The following CSMD1 variants were observed in gnomAD, a reference collection of about 807,000 sequenced individuals.
The protein encoded by CSMD1 is CUB and sushi domain-containing protein 1.
In CSMD1, 213 loss-of-function variants were observed where a neutral mutation model predicts 417.5. The observed-to-expected ratio is 0.51, with a 90% CI of 0.46 to 0.57. CSMD1 has a LOEUF of 0.57. CSMD1 is among the 20% of genes least tolerant of loss of function. CSMD1 has a pLI of 0.00. For synonymous variants in CSMD1, 2,862 were observed against 1,736.8 expected (o/e 1.65, Z -16.11); for missense variants, 6,923 against 4,529.7 (o/e 1.53, Z -15.17).
chr8:4,298,112 T>C (rs547517882), intron 3 of CSMD1, among the ~76,000 whole-genome samples: 62 of 152,086 alleles, frequency 4.1e-4, no homozygotes, highest in African/African-American at 1.4e-3. Flanking sequence ...CTGGAGAACA[T>C]CCCAGGGCAC....
chr8:4,724,636 A>T (rs1227118084), intron 1 of CSMD1, among the ~76,000 whole-genome samples: 1 of 151,862 alleles, frequency 6.6e-6, no homozygotes, highest in Admixed American at 6.6e-5. Context: ...GGAAAAAATA[A>T]ATGTAAGTTT....
chr8:4,750,176 T>G (rs1265593030), intron 1 of CSMD1, among the ~76,000 whole-genome samples: 1 of 151,902 alleles, frequency 6.6e-6, no homozygotes, highest in Non-Finnish European at 1.5e-5. Context: ...CGGCTAATTT[T>G]TTTTGTATTT....
intron 37 of CSMD1, among the ~76,000 whole-genome samples, chr8:3,177,274 C>G (rs1259714687): frequency 6.6e-6 from 1 of 152,154 alleles, no homozygotes; most frequent in African/African-American, 2.4e-5. Context: ...ACCCACAGGC[C>G]TCTATCAGGG....
chr8:4,920,930 G>C (rs13278298), intron 1 of CSMD1, among the ~76,000 whole-genome samples: 1 of 32,230 alleles, frequency 3.1e-5, no homozygotes, highest in Admixed American at 3.8e-4. Context: ...AGAAAAGAAA[G>C]AGAGAAAGAA....
intron 1 of CSMD1, 86 bp from the exon 2 acceptor site, chr8:4,637,644 A>ATTTTTTTTTTTTTTTTTTTTTTTTTTTTT (rs76431173): frequency 3.1e-6 from 1 of 321,502 alleles, no homozygotes; most frequent in Non-Finnish European, 5.1e-6. Context: ...ACTTTAGCCA[A>ATTTTTTTTTTTTTTTTTTTTTTTTTTTTT]TTTTTTTTTT....
intron 1 of CSMD1, among the ~76,000 whole-genome samples, chr8:4,669,814 T>C (rs545266793): frequency 1.3e-5 from 2 of 152,304 alleles, no homozygotes; most frequent in South Asian, 4.1e-4. Flanking sequence ...GTAGCAATAT[T>C]TGGAAAGACA....
chr8:4,093,883 G>A (rs781071026), intron 3 of CSMD1, among the ~76,000 whole-genome samples: 33 of 152,022 alleles, frequency 2.2e-4, no homozygotes, highest in Non-Finnish European at 7.4e-5. Flanking sequence ...TCACTTGAAC[G>A]CAGGAGGCAG....
intron 3 of CSMD1, among the ~76,000 whole-genome samples, chr8:4,132,214 TTC>T (rs144733880): frequency 0.6 from 67,008 of 111,502 alleles, 17,943 homozygotes; most frequent in South Asian, 0.78. Flanking sequence ...TTTTTTTTTT[TTC>T]ACGGGGTAGT....
At chr8:3,064,011 A>G (rs2066155313) in intron 49 of CSMD1, among the ~76,000 whole-genome samples, 1 of 152,196 alleles carries the variant, frequency 6.6e-6, no homozygotes, top group African/African-American at 2.4e-5. Context: ...ATAAAGTTAG[A>G]TAGGGAACAT....
intron 23 of CSMD1, among the ~76,000 whole-genome samples, chr8:3,320,101 G>A (rs1236967321): frequency 2.0e-5 from 3 of 152,142 alleles, no homozygotes; most frequent in African/African-American, 7.2e-5. Context: ...CAGAAGACAT[G>A]CTCTGTGCCA....
chr8:3,865,992 T>C (rs1365069501), intron 5 of CSMD1, among the ~76,000 whole-genome samples: 1 of 152,188 alleles, frequency 6.6e-6, no homozygotes, highest in Non-Finnish European at 1.5e-5. Flanking sequence ...TTCACCATCA[T>C]CTGTAGTCAT....
chr8:3,970,107 G>A (rs542577138), intron 5 of CSMD1, among the ~76,000 whole-genome samples: 3 of 152,286 alleles, frequency 2.0e-5, no homozygotes, highest in South Asian at 2.1e-4. Context: ...CTTCCTTTGT[G>A]AGAAATCTTA....
chr8:3,927,267 A>G (rs147567630), intron 5 of CSMD1, among the ~76,000 whole-genome samples: 28 of 152,160 alleles, frequency 1.8e-4, no homozygotes, highest in African/African-American at 5.1e-4. Flanking sequence ...TATATAGCAG[A>G]CATAAGCTAA....
intron 1 of CSMD1, among the ~76,000 whole-genome samples, chr8:4,732,570 C>A (rs184980461): frequency 6.6e-5 from 10 of 152,206 alleles, no homozygotes; most frequent in African/African-American, 2.4e-4. Context: ...TGGAAAGCAA[C>A]CTGTCAGAGA....
intron 2 of CSMD1, among the ~76,000 whole-genome samples, chr8:4,529,622 G>C (rs533710261): frequency 2.0e-5 from 3 of 152,166 alleles, no homozygotes; most frequent in Non-Finnish European, 4.4e-5. Flanking sequence ...AAAGACAAAA[G>C]ACAACCACAA....
At chr8:3,486,546 G>A (rs1203233672) in intron 11 of CSMD1, among the ~76,000 whole-genome samples, 3 of 152,180 alleles carry the variant, frequency 2.0e-5, no homozygotes, top group African/African-American at 4.8e-5. Context: ...AGAGAAAATA[G>A]CCACAGTGAG....
chr8:3,302,147 A>G (rs1450770745), intron 25 of CSMD1, among the ~76,000 whole-genome samples: 1 of 152,146 alleles, frequency 6.6e-6, no homozygotes, highest in Non-Finnish European at 1.5e-5. Context: ...TGATGACAAT[A>G]ATGATGAAAT....
intron 3 of CSMD1, among the ~76,000 whole-genome samples, chr8:4,398,983 A>G (rs1804459134): frequency 6.6e-6 from 1 of 152,246 alleles, no homozygotes; most frequent in South Asian, 2.1e-4. Context: ...GAAACAGTCA[A>G]AATTATTTAC....
chr8:3,646,096 A>G (rs1797556958), intron 7 of CSMD1, among the ~76,000 whole-genome samples: 1 of 152,160 alleles, frequency 6.6e-6, no homozygotes, highest in African/African-American at 2.4e-5. Flanking sequence ...ACAAAATAGA[A>G]AACTCTTCAG....
Sources: gnomAD v4.1 joint callset for allele counts (sites outside exome capture counted in the v4.1 genomes callset) on GRCh38, gnomAD v4.1.1 for gene constraint, MANE v1.5 for transcripts, NCBI Gene and HGNC (gene_info 2026-07-23, HGNC 2026-07-21) for gene names.